Variants in ABCC4 observed in about 807,000 individuals in gnomAD.
ABCC4 encodes ATP binding cassette subfamily C member 4 (PEL blood group), also known as ATP-binding cassette sub-family C member 4.
In ABCC4, 102 loss-of-function variants were observed where a neutral mutation model predicts 168.5. That is an observed-to-expected ratio of 0.61 (90% CI 0.52 to 0.71). ABCC4 has a LOEUF of 0.71. ABCC4 is among the 30% of genes least tolerant of loss of function. The probability of loss-of-function intolerance (pLI) is 0.00; values close to 1 mark genes in which losing one functional copy is unlikely to be tolerated. For missense variants in ABCC4, 1,402 were observed against 1,605.8 expected, an observed-to-expected ratio of 0.87 and a Z score of 2.17; for synonymous variants, 617 against 590.7, an observed-to-expected ratio of 1.04 and a Z score of -0.65.
chr13:95,248,368 G>A (rs1360543710), intron 1 of ABCC4, among the ~76,000 whole-genome samples: 2 of 152,224 alleles, frequency 1.3e-5, no homozygotes, highest in African/African-American at 2.4e-5. Flanking sequence ...GCTAAAACCA[G>A]TCAGTGAAGG....
intron 19 of ABCC4, among the ~76,000 whole-genome samples, chr13:95,136,036 T>C (rs552582589): frequency 6.6e-5 from 10 of 152,314 alleles, no homozygotes; most frequent in African/African-American, 2.4e-4. Flanking sequence ...AACACAGTTT[T>C]TAAAAATGTT....
At chr13:95,064,532 T>TGGGG (rs5805901) in intron 25 of ABCC4, among the ~76,000 whole-genome samples, 5 of 141,750 alleles carry the variant, frequency 3.5e-5, no homozygotes, top group Non-Finnish European at 7.8e-5. Context: ...TGTGTGTGTG[T>TGGGG]GGGGCTTATG....
chr13:95,054,167 T>C (rs896470324), intron 26 of ABCC4, among the ~76,000 whole-genome samples: 2 of 151,534 alleles, frequency 1.3e-5, no homozygotes, highest in African/African-American at 4.9e-5. Flanking sequence ...CATCTGTGCA[T>C]CAAGGTTACC....
intron 4 of ABCC4, among the ~76,000 whole-genome samples, chr13:95,228,794 T>C (rs866301356): frequency 2.0e-5 from 3 of 148,108 alleles, no homozygotes; most frequent in Middle Eastern, 3.6e-3. Flanking sequence ...GAGTGGTGGC[T>C]CACACCTGTA....
At chr13:95,247,195 T>C in intron 2 of ABCC4, 100 bp from the exon 3 acceptor site, 2 of 1,316,454 alleles carry the variant, frequency 1.5e-6, no homozygotes, top group East Asian at 2.3e-5. Context: ...GACAGGGCAT[T>C]TTGTGACGAT....
At position 95,066,066 on chromosome 13, in the gene ABCC4, G is replaced by A. The variant is rs141367907; in HGVS notation, c.3211-3207C>T. 6.8e-4 allele frequency among the ~76,000 whole-genome samples: 104 copies of A among 152,346 alleles called. No homozygotes were observed. The East Asian group carries it at 0.019, about 28-fold the overall frequency. On this transcript the variant is annotated intron_variant, in intron 25 of 30. Transcript: ENST00000645237. ...CCATGAGCAGGATTGAGTTTGCGGGGTGGCTGTGAGGACTAAGTGTGCACA... is the reference window on the plus strand; with the variant it reads ...CCATGAGCAGGATTGAGTTTGCGGGATGGCTGTGAGGACTAAGTGTGCACA...
chr13:95,111,683 T>TA (rs2035210727), intron 20 of ABCC4, among the ~76,000 whole-genome samples: 2 of 152,278 alleles, frequency 1.3e-5, no homozygotes, highest in Admixed American at 6.5e-5. Flanking sequence ...TCTAACTATA[T>TA]AAAAACAAAT....
chr13:95,111,990 C>G (rs1459197071), intron 20 of ABCC4, among the ~76,000 whole-genome samples: 1 of 152,194 alleles, frequency 6.6e-6, no homozygotes, highest in African/African-American at 2.4e-5. Context: ...CAGACTCCTA[C>G]TTACAAAACC....
At chr13:95,277,854 G>C (rs915938168) in intron 1 of ABCC4, among the ~76,000 whole-genome samples, 8 of 152,184 alleles carry the variant, frequency 5.3e-5, no homozygotes, top group African/African-American at 1.9e-4. Flanking sequence ...GGGACCCCAG[G>C]AGAGGGTGGC....
intron 1 of ABCC4, among the ~76,000 whole-genome samples, chr13:95,286,123 C>CTTTTTTTTTTTTTTTTTTTTTTTTTT (rs773328777): frequency 9.5e-6 from 1 of 105,522 alleles, no homozygotes; most frequent in Non-Finnish European, 1.9e-5. Context: ...TCCAGAAAAA[C>CTTTTTTTTTTTTTTTTTTTTTTTTTT]TTTTTTTTTT....
chr13:95,034,541 G>A (rs2032035695), intron 30 of ABCC4, 64 bp downstream of exon 30: 1 of 1,565,974 alleles, frequency 6.4e-7, no homozygotes, highest in Non-Finnish European at 8.6e-7. Context: ...TACCCATGGT[G>A]CCAAATTGTG....
intron 4 of ABCC4, among the ~76,000 whole-genome samples, chr13:95,221,430 T>C (rs1286677557): frequency 6.6e-6 from 1 of 152,156 alleles, no homozygotes; most frequent in African/African-American, 2.4e-5. Context: ...GGTTTCACTA[T>C]GTTGCCCAGG....
At chr13:95,120,078 CCATGATGTAG>C (rs2035511003) in intron 19 of ABCC4, among the ~76,000 whole-genome samples, 1 of 151,468 alleles carries the variant, frequency 6.6e-6, no homozygotes, top group Admixed American at 6.6e-5. Context: ...TGAGGTTCAC[CCATGATGTAG>C]CATGTGCCAC....
intron 19 of ABCC4, among the ~76,000 whole-genome samples, chr13:95,130,281 C>G (rs2035916192): frequency 6.6e-6 from 1 of 152,052 alleles, no homozygotes; most frequent in Admixed American, 6.6e-5. Flanking sequence ...AAGAGATATA[C>G]AAACTATGAA....
At chr13:95,061,018 G>A (rs1026285636) in intron 26 of ABCC4, among the ~76,000 whole-genome samples, 5 of 152,098 alleles carry the variant, frequency 3.3e-5, no homozygotes, top group Admixed American at 3.3e-4. Context: ...TTTGTGACTG[G>A]CTTATTTCAC....
chr13:95,098,418 G>T (rs537032925), intron 20 of ABCC4, among the ~76,000 whole-genome samples: 2 of 151,276 alleles, frequency 1.3e-5, no homozygotes, highest in East Asian at 3.9e-4. Context: ...GAATTCACTG[G>T]AAAAAAAATC....
intron 1 of ABCC4, among the ~76,000 whole-genome samples, chr13:95,250,486 G>A (rs1268220082): frequency 6.6e-6 from 1 of 152,094 alleles, no homozygotes; most frequent in South Asian, 2.1e-4. Flanking sequence ...AAGACAGATG[G>A]GTAGAGTACC....
chr13:95,043,827 A>G (rs1456300951), intron 28 of ABCC4, 40 bp from the exon 29 acceptor site: 1 of 1,460,520 alleles, frequency 6.8e-7, no homozygotes, highest in Non-Finnish European at 9.6e-7. Context: ...GTAAAGATGC[A>G]AAAAGTAGAC....
At chr13:95,136,965 T>C (rs181810736) in intron 19 of ABCC4, among the ~76,000 whole-genome samples, 1 of 152,126 alleles carries the variant, frequency 6.6e-6, no homozygotes, top group Non-Finnish European at 1.5e-5. Flanking sequence ...AGGGATAGAG[T>C]AGCAGGTTTA....
Sources: allele counts gnomAD v4.1 joint callset (sites outside exome capture counted in the v4.1 genomes callset), GRCh38; gene constraint gnomAD v4.1.1; transcripts MANE v1.5; gene names NCBI Gene and HGNC (gene_info 2026-07-23, HGNC 2026-07-21).